The following LRRC4B variants were observed in gnomAD, a reference collection of about 807,000 sequenced individuals.
The protein encoded by LRRC4B is leucine-rich repeat-containing protein 4B.
Under a neutral mutation model 7.3 loss-of-function variants are expected in LRRC4B, and 1 was observed. The ratio of observed to expected loss-of-function variants is 0.14; its 90% CI spans 0.05 to 0.65. The LOEUF (loss-of-function observed/expected upper bound fraction) is 0.65. Ranked by LOEUF, LRRC4B falls within the 30% of genes least tolerant of loss-of-function variation. The pLI, the probability that LRRC4B is intolerant of heterozygous loss-of-function variation, is 0.84. For missense variants in LRRC4B, 730 were observed against 1,041.6 expected (o/e 0.70, Z 4.12); for synonymous variants, 500 against 499.2 (o/e 1.00, Z -0.02).
intron 1 of LRRC4B, among the ~76,000 whole-genome samples, chr19:50,558,856 A>C (rs1344712315): frequency 6.6e-6 from 1 of 152,146 alleles, no homozygotes; most frequent in Non-Finnish European, 1.5e-5. Context: ...CTCTTATGGG[A>C]CTCATGGAGA....
intron 2 of LRRC4B, among the ~76,000 whole-genome samples, chr19:50,541,916 G>A (rs1321188444): frequency 1.3e-5 from 2 of 152,086 alleles, no homozygotes; most frequent in Non-Finnish European, 2.9e-5. Context: ...ACGGGGGTGG[G>A]TGCCCATCAA....
At chr19:50,531,564 G>C (rs1464078886) in intron 2 of LRRC4B, among the ~76,000 whole-genome samples, 1 of 152,244 alleles carries the variant, frequency 6.6e-6, no homozygotes, top group African/African-American at 2.4e-5. Context: ...GCTGCAAAGG[G>C]AAGCCTGGTT....
rs1980377358 is a variant in LRRC4B, at chr19:50,518,121, GCCGCGTCCCCAGGCC to G, written c.1577_1591del (p.Arg526_Ala531delinsPro). ...CGTGGTAGAAGACGAGGCAGGGCCG[GCCGCGTCCCCAGGCC>G]GGCCCCCACCCCAGACACCGTCTGT... On this transcript the variant is annotated inframe_deletion, in exon 3 of 3. Transcript: ENST00000652263. 1 of 1,593,600 alleles carries G rather than the reference GCCGCGTCCCCAGGCC, an allele frequency of 6.3e-7. No individual in the cohort carries two copies. The highest frequency in any genetic ancestry group is 1.8e-5 in the Admixed American group (1 of 55,250).
rs770834039 is a variant in LRRC4B, at chr19:50,555,927, G to C, written c.-35-7054C>G. 4 of 152,404 alleles carry C rather than the reference G, an allele frequency of 2.6e-5. No homozygotes were observed. Among genetic ancestry groups the C allele is most frequent in the Admixed American group, 6.5e-5 (1 of 15,272 alleles). 9.4% of individuals were successfully genotyped at this position (152,404 alleles called of 1,614,324 possible). ...GAGCCTGGAGCCCAGAGGGTGGAGA[G>C]GGATTGAAGCCGGGGAGGGATGAGC... On this transcript the variant is annotated intron_variant, in intron 1 of 2. Transcript: ENST00000652263. This position sits in a 1 kb window ranked among gnomAD's most constrained non-coding sequence, Gnocchi z 5.2.
At chr19:50,547,616 A>G (rs1489550692) in intron 2 of LRRC4B, among the ~76,000 whole-genome samples, 2 of 149,136 alleles carry the variant, frequency 1.3e-5, no homozygotes, top group Non-Finnish European at 3.0e-5. Context: ...CAATGCCTGG[A>G]GATATTTTTG....
At chr19:50,521,221 A>G (rs943329619) in intron 2 of LRRC4B, among the ~76,000 whole-genome samples, 1 of 152,084 alleles carries the variant, frequency 6.6e-6, no homozygotes, top group Admixed American at 6.6e-5. Flanking sequence ...CGTCCACACC[A>G]TGCTCTGGGT....
chr19:50,538,912 G>A (rs1211666079), intron 2 of LRRC4B, among the ~76,000 whole-genome samples: 2 of 149,030 alleles, frequency 1.3e-5, no homozygotes, highest in Admixed American at 6.7e-5. Context: ...TTTTCAAGAC[G>A]GATTCTTGCT....
chr19:50,543,019 C>G (rs1398382320), intron 2 of LRRC4B, among the ~76,000 whole-genome samples: 1 of 152,170 alleles, frequency 6.6e-6, no homozygotes, highest in Non-Finnish European at 1.5e-5. Flanking sequence ...AGCCACCCCC[C>G]AGAGCTCACG....
chr19:50,525,438 T>C (rs1980765429), intron 2 of LRRC4B, among the ~76,000 whole-genome samples: 2 of 149,242 alleles, frequency 1.3e-5, no homozygotes, highest in Non-Finnish European at 3.0e-5. Context: ...GGAGTTTTGC[T>C]CTTGTTGCCT....
At position 50,538,717 on chromosome 19, in the gene LRRC4B, T is replaced by A. The variant is rs1247599213; in HGVS notation, c.297+9825A>T. Among the ~76,000 whole-genome samples the A allele has an allele frequency of 2.6e-5, 4 of 151,576 alleles. No homozygotes were observed. The East Asian group carries it at 7.8e-4, about 29-fold the overall frequency. ...CCAGGGATCTGGGACTACAGGTGCGTGCCACCACACCTGGCTAATTTTTGT... is the reference window on the plus strand; with the variant it reads ...CCAGGGATCTGGGACTACAGGTGCGAGCCACCACACCTGGCTAATTTTTGT... On this transcript the variant is annotated intron_variant, in intron 2 of 2. Transcript: ENST00000652263.
chr19:50,531,014 C>T (rs910246862), intron 2 of LRRC4B, among the ~76,000 whole-genome samples: 1 of 151,662 alleles, frequency 6.6e-6, no homozygotes, highest in African/African-American at 2.4e-5. Context: ...TCTCAAAGTG[C>T]TGGGATTACA....
chr19:50,535,688 G>A (rs1981250348), intron 2 of LRRC4B, among the ~76,000 whole-genome samples: 1 of 152,170 alleles, frequency 6.6e-6, no homozygotes, highest in South Asian at 2.1e-4. Context: ...GCCATGACTG[G>A]CAGCACTGCA....
intron 1 of LRRC4B, among the ~76,000 whole-genome samples, chr19:50,551,841 G>A (rs1377035803): frequency 6.6e-6 from 1 of 151,546 alleles, no homozygotes; most frequent in Non-Finnish European, 1.5e-5. Flanking sequence ...GCAGAGCCAA[G>A]CTGTGCCTCA....
chr19:50,567,522 A>C (rs950735784), intron 1 of LRRC4B, among the ~76,000 whole-genome samples: 2 of 149,736 alleles, frequency 1.3e-5, no homozygotes, highest in African/African-American at 4.9e-5. Context: ...CCCCACCCCA[A>C]GCAGCAGCGG....
intron 1 of LRRC4B, among the ~76,000 whole-genome samples, chr19:50,552,079 G>A (rs1224847138): frequency 6.6e-6 from 1 of 152,120 alleles, no homozygotes; most frequent in African/African-American, 2.4e-5. Context: ...CGGCTGGGCT[G>A]CCCAAGAAAG....
At chr19:50,560,089 C>T (rs1293406018) in intron 1 of LRRC4B, among the ~76,000 whole-genome samples, 1 of 152,092 alleles carries the variant, frequency 6.6e-6, no homozygotes, top group East Asian at 1.9e-4. Flanking sequence ...GAGCCGAGAT[C>T]GCACCACTGT....
rs1441308028 is a variant in LRRC4B, at chr19:50,556,477, AG to A, written c.-35-7605del. On this transcript the variant is annotated intron_variant, in intron 1 of 2. Coordinates refer to ENST00000652263, the MANE Select transcript of LRRC4B (RefSeq NM_001080457.2). The surrounding 1 kb of genome is among the most constrained non-coding windows in gnomAD (Gnocchi z 4.2). ...AGCCGGGGGTGCTCTTCCTGGGGTC[AG>A]GGGGGGCTCTGCGTTCCCACGACAC... Among the ~76,000 whole-genome samples the A allele has an allele frequency of 2.0e-5, 3 of 151,974 alleles. No homozygotes were observed. Among genetic ancestry groups the A allele is most frequent in the Non-Finnish European group, 1.5e-5 (1 of 67,928 alleles).
chr19:50,565,400 A>G (rs1014182391), intron 1 of LRRC4B, among the ~76,000 whole-genome samples: 1 of 152,158 alleles, frequency 6.6e-6, no homozygotes, highest in Non-Finnish European at 1.5e-5. Context: ...ACACGACTAC[A>G]GGTCTGGGGA....
At position 50,568,397 on chromosome 19, in the gene LRRC4B, G is replaced by A. The variant is rs1479233784; in HGVS notation, c.-489C>T. ...CGCCTCGGACGGTGCGGCAGCGACC[G>A]AGAGCAGCCGAGAGCGGCGGAGACG... is the stretch of plus-strand genomic sequence containing the variant. On this transcript the variant is annotated 5_prime_UTR_variant, in exon 1 of 3. Transcript: ENST00000652263. 7.8e-6 allele frequency among the ~76,000 whole-genome samples: 1 copy of A among 128,210 alleles called. No homozygotes were observed. The highest frequency in any genetic ancestry group is 1.6e-5 in the Non-Finnish European group (1 of 62,344). The allele number at this position is 128,210 out of a possible 152,430, so 84.1% of individuals were successfully genotyped here. A position where few individuals can be genotyped will look rare whatever the true frequency, so the allele number is the denominator to read the frequency against.
Sources: gnomAD v4.1 joint callset for allele counts (sites outside exome capture counted in the v4.1 genomes callset) on GRCh38, gnomAD v4.1.1 for gene constraint, Gnocchi (gnomAD v3.1) non-coding constraint, MANE v1.5 for transcripts, NCBI Gene and HGNC (gene_info 2026-07-23, HGNC 2026-07-21) for gene names.